The following RIC1 variants were observed in gnomAD, a reference collection of about 807,000 sequenced individuals.
RIC1 encodes RIC1 partner of RAB6A GEF complex, also known as guanine nucleotide exchange factor subunit RIC1.
In RIC1, 88 loss-of-function variants were observed where a neutral mutation model predicts 169.0. That is an observed-to-expected ratio of 0.52 (90% CI 0.44 to 0.62). The LOEUF is 0.62. RIC1 is among the 20% of genes least tolerant of loss of function. The pLI is 0.00. For synonymous variants in RIC1, 790 were observed against 601.5 expected (o/e 1.31, Z -4.59); for missense variants, 1,877 against 1,725.5 (o/e 1.09, Z -1.56).
intron 1 of RIC1, among the ~76,000 whole-genome samples, chr9:5,647,652 A>G (rs1818583614): frequency 6.6e-6 from 1 of 152,124 alleles, no homozygotes; most frequent in Non-Finnish European, 1.5e-5. Flanking sequence ...TTGTTGTGGA[A>G]TCTTTAGAGT....
At chr9:5,631,265 CT>C (rs1817701340) in intron 1 of RIC1, among the ~76,000 whole-genome samples, 4 of 152,142 alleles carry the variant, frequency 2.6e-5, no homozygotes, top group African/African-American at 9.7e-5. Flanking sequence ...ATGCAACTTC[CT>C]TTTTCCACAG....
chr9:5,634,434 G>A (rs1817872052), intron 1 of RIC1, among the ~76,000 whole-genome samples: 1 of 152,206 alleles, frequency 6.6e-6, no homozygotes, highest in Non-Finnish European at 1.5e-5. Context: ...TAACAGGTGT[G>A]AGGTATCTTA....
chr9:5,717,802 A>C (rs1009158471), intron 4 of RIC1, among the ~76,000 whole-genome samples: 1 of 151,134 alleles, frequency 6.6e-6, no homozygotes, highest in Non-Finnish European at 1.5e-5. Context: ...GCGCCACTGC[A>C]CTCTAGCCTG....
chr9:5,643,460 A>G, intron 1 of RIC1, among the ~76,000 whole-genome samples: 1 of 152,158 alleles, frequency 6.6e-6, no homozygotes, highest in Non-Finnish European at 1.5e-5. Flanking sequence ...GTGAGCCATG[A>G]TTGCACTATG....
Position 5,773,956 on chromosome 9 carries a change from A to T in RIC1, c.3984-2A>T. The T allele has an allele frequency of 6.3e-7, 1 of 1,581,136 alleles. No homozygotes were observed. Among genetic ancestry groups the T allele is most frequent in the Admixed American group, 1.9e-5 (1 of 53,388 alleles). ...GAGCTAATGTTTTTTTTCTCTACAT[A>T]GTCCTGGATATAAGCCATTTTTAAA... is the stretch of plus-strand genomic sequence containing the variant. On this transcript the variant is annotated splice_acceptor_variant, in intron 25 of 25. Transcript: ENST00000414202. LOFTEE classifies it high-confidence loss of function.
chr9:5,722,348 A>AGAGAGAGAGTGTGTGTGT lies in RIC1; in HGVS notation c.720+1599_720+1600insAGAGAGAGTGTGTGTGTG, dbSNP rs374028302. On this transcript the variant is annotated intron_variant, in intron 6 of 25. Coordinates refer to ENST00000414202, the MANE Select transcript of RIC1 (RefSeq NM_020829.4). ...CTTGCAAAAACTATAAGAGAGAGAG[A>AGAGAGAGAGTGTGTGTGT]GTGTGTGTGTGTGTGTGTGTGTGTG... Among the ~76,000 whole-genome samples the AGAGAGAGAGTGTGTGTGT allele has an allele frequency of 1.2e-3, 153 of 131,332 alleles. 1 individual carries two copies. The highest frequency in any genetic ancestry group is 3.3e-3 in the Admixed American group (42 of 12,900). The allele number at this position is 131,332 out of a possible 152,430, so 86.2% of individuals were successfully genotyped here. A position where few individuals can be genotyped will look rare whatever the true frequency, so the allele number is the denominator to read the frequency against.
intron 1 of RIC1, among the ~76,000 whole-genome samples, chr9:5,647,983 G>GA (rs1818613915): frequency 8.8e-6 from 1 of 113,814 alleles, no homozygotes; most frequent in African/African-American, 5.2e-5. Context: ...GATGGTGGTG[G>GA]TGGTGGTGGT....
chr9:5,713,950 A>C lies in RIC1; in HGVS notation c.387A>C (p.Pro129=). ...ATTTTAAGGAAGAACAGTGTGCTCCAGCATTAAATTTGGAGATGAGGAAAA... is the reference window on the plus strand; with the variant it reads ...ATTTTAAGGAAGAACAGTGTGCTCCCGCATTAAATTTGGAGATGAGGAAAA... ...TPHFKEEQCA[P]ALNLEMRKIL... is the part of the protein sequence containing the mutation. The change falls in exon 4 of 26, where the codon CCA becomes CCC. Residue 129 remains proline (P), a synonymous_variant. Coordinates refer to ENST00000414202, the MANE Select transcript of RIC1 (RefSeq NM_020829.4). 1 of 1,613,372 alleles carries C rather than the reference A, an allele frequency of 6.2e-7. No individual in the cohort carries two copies. Among genetic ancestry groups the C allele is most frequent in the African/African-American group, 1.3e-5 (1 of 75,038 alleles).
intron 1 of RIC1, among the ~76,000 whole-genome samples, chr9:5,649,458 C>T (rs1563868200): frequency 6.6e-6 from 1 of 152,072 alleles, no homozygotes; most frequent in Non-Finnish European, 1.5e-5. Context: ...TGATATCATC[C>T]ATTGCTGAAG....
At chr9:5,663,211 T>C (rs1271745849) in intron 2 of RIC1, among the ~76,000 whole-genome samples, 1 of 152,240 alleles carries the variant, frequency 6.6e-6, no homozygotes, top group Non-Finnish European at 1.5e-5. Flanking sequence ...ATCATTTCAG[T>C]TCTTTTGCAT....
intron 3 of RIC1, among the ~76,000 whole-genome samples, chr9:5,704,946 A>G (rs531921673): frequency 6.6e-6 from 1 of 152,252 alleles, no homozygotes; most frequent in East Asian, 1.9e-4. Flanking sequence ...TGCACTTGGC[A>G]CCTTTGCCAA....
At chr9:5,708,206 G>A (rs1822712014) in intron 3 of RIC1, among the ~76,000 whole-genome samples, 1 of 151,774 alleles carries the variant, frequency 6.6e-6, no homozygotes. Flanking sequence ...TTTTTATGTT[G>A]TTGTTATGAC....
intron 1 of RIC1, among the ~76,000 whole-genome samples, chr9:5,647,150 G>T (rs1455432090): frequency 6.6e-6 from 1 of 152,130 alleles, no homozygotes. Flanking sequence ...TCTGGACTCT[G>T]TGTTTTATTC....
chr9:5,683,420 C>T (rs1334972999), intron 2 of RIC1, among the ~76,000 whole-genome samples: 1 of 152,164 alleles, frequency 6.6e-6, no homozygotes, highest in African/African-American at 2.4e-5. Flanking sequence ...ACTCCAGACG[C>T]TGTTTGCCTG....
chr9:5,742,032 C>G (rs1041258915), intron 8 of RIC1, among the ~76,000 whole-genome samples: 2 of 152,194 alleles, frequency 1.3e-5, no homozygotes, highest in Non-Finnish European at 2.9e-5. Context: ...AATTACAAAT[C>G]AGAGTGAGGG....
intron 6 of RIC1, among the ~76,000 whole-genome samples, chr9:5,724,114 A>G (rs1823796536): frequency 6.6e-6 from 1 of 152,178 alleles, no homozygotes; most frequent in Non-Finnish European, 1.5e-5. Context: ...TGGTAACTTG[A>G]TGGGGATGGC....
intron 4 of RIC1, among the ~76,000 whole-genome samples, chr9:5,718,684 C>T (rs1299745091): frequency 6.6e-6 from 1 of 152,102 alleles, no homozygotes; most frequent in African/African-American, 2.4e-5. Flanking sequence ...CTCTACCCAC[C>T]AAATGATACA....
chr9:5,752,969 C>T (rs537914028), intron 12 of RIC1, among the ~76,000 whole-genome samples: 1 of 152,116 alleles, frequency 6.6e-6, no homozygotes, highest in African/African-American at 2.4e-5. Context: ...CAAACAGAAA[C>T]ATAAGGGGCA....
Position 5,747,360 on chromosome 9 carries a change from A to T in RIC1, c.1307A>T (p.Glu436Val). The T allele has an allele frequency of 6.2e-7, 1 of 1,614,034 alleles. No individual in the cohort carries two copies. The highest frequency in any genetic ancestry group is 8.5e-7 in the Non-Finnish European group (1 of 1,179,942). The change falls in exon 12 of 26, where the codon GAG (glutamate) becomes GTG (valine). Residue 436 changes from glutamate (E) to valine (V), a missense_variant. Physicochemically the swap from Glu to Val is moderately radical, Grantham distance 121. This residue lies in a region of RIC1 where 1,104 missense variants were observed against 992.0 expected (regional missense o/e 1.11). Transcript: ENST00000414202. ...GEDRLYLNCG[E>V]ASQTQNPRSS... Reference sequence around the variant, plus strand: ...GATCGCTTGTACTTGAACTGTGGAGAGGCTTCACAAACCCAGAATCCCAGG... The same window carrying T: ...GATCGCTTGTACTTGAACTGTGGAGTGGCTTCACAAACCCAGAATCCCAGG...
Sources: allele counts gnomAD v4.1 joint callset (sites outside exome capture counted in the v4.1 genomes callset), GRCh38; gene constraint gnomAD v4.1.1; regional missense constraint gnomAD v4.1.1; transcripts MANE v1.5; gene names NCBI Gene and HGNC (gene_info 2026-07-23, HGNC 2026-07-21).